The following INF2 variants were observed in gnomAD, a reference collection of about 807,000 sequenced individuals.
INF2 encodes inverted formin 2, also known as inverted formin-2.
A neutral mutation model predicts 123.5 loss-of-function variants in INF2; 43 were observed. That is an observed-to-expected ratio of 0.35 (90% CI 0.27 to 0.45). The LOEUF (loss-of-function observed/expected upper bound fraction) is 0.45. Ranked by LOEUF, INF2 falls within the 20% of genes least tolerant of loss-of-function variation. The pLI, the probability that INF2 is intolerant of heterozygous loss-of-function variation, is 1.00. For synonymous variants in INF2, 851 were observed against 745.0 expected (o/e 1.14, Z -2.32); for missense variants, 1,453 against 1,682.7 (o/e 0.86, Z 2.39).
rs756035376 is a variant in INF2 at position 104,720,154 on chromosome 14, C to T, written c.*1361C>T. On this transcript the variant is annotated 3_prime_UTR_variant, in exon 23 of 23. Transcript: ENST00000392634. ...GTCATGCATGTCTCCTGGCTTCCTT[C>T]GGCTGTTTTCACGCGCCATCCTCAC... 2.5e-4 allele frequency: 38 copies of T among 154,996 alleles called. No homozygotes were observed. The highest frequency in any genetic ancestry group is 4.4e-4 in the Non-Finnish European group (31 of 69,840). The allele number at this position is 154,996 out of a possible 1,614,324, so 9.6% of individuals were successfully genotyped here.
Position 104,707,377 on chromosome 14 carries a change from C to T in INF2, c.1110C>T (p.Gly370=). ...CCAACCTAGACCAGAGCCAGAGGGG[C>T]AGCTCCCCGCAAAACACTACAACCC... The part of the protein sequence containing the change: ...VQANLDQSQR[G]SSPQNTTTPK... Residue 370 remains glycine (G), a synonymous_variant, in exon 8 of 23, where the codon GGC becomes GGT. Transcript: ENST00000392634. 1 of 1,592,894 alleles carries T rather than the reference C, an allele frequency of 6.3e-7. No homozygotes were observed. Among genetic ancestry groups the T allele is most frequent in the African/African-American group, 1.3e-5 (1 of 74,410 alleles).
intron 5 of INF2, among the ~76,000 whole-genome samples, chr14:104,705,480 T>G (rs1252800204): frequency 1.3e-5 from 2 of 151,256 alleles, no homozygotes; most frequent in Non-Finnish European, 2.9e-5. Flanking sequence ...GCCCCACCAG[T>G]GTGGGCTGAA....
chr14:104,711,868 C>T (rs535005205), intron 16 of INF2, among the ~76,000 whole-genome samples, 169 bp downstream of exon 16: 1 of 152,338 alleles, frequency 6.6e-6, no homozygotes, highest in South Asian at 2.1e-4. Flanking sequence ...AGGACCGGGT[C>T]TGCCGTGGCC....
At position 104,707,251 on chromosome 14, in the gene INF2, A is replaced by T; in HGVS notation, c.986-2A>T. 1 of 1,606,530 alleles carries T rather than the reference A, an allele frequency of 6.2e-7. No individual in the cohort carries two copies. Among genetic ancestry groups the T allele is most frequent in the Non-Finnish European group, 8.5e-7 (1 of 1,176,776 alleles). ...CTTGACCCTGGACATCCCCTACTGC[A>T]GCCCAGGAATGCACCCTGGAGGAAG... On this transcript the variant is annotated splice_acceptor_variant, in intron 7 of 22. Coordinates refer to ENST00000392634, the MANE Select transcript of INF2 (RefSeq NM_022489.4). LOFTEE classifies it high-confidence loss of function.
intron 1 of INF2, among the ~76,000 whole-genome samples, chr14:104,700,565 C>T (rs1889428931): frequency 6.6e-6 from 1 of 152,090 alleles, no homozygotes; most frequent in South Asian, 2.1e-4. Flanking sequence ...GATGTGGTGG[C>T]GTGGAGCTGA....
Position 104,709,433 on chromosome 14 carries a change from G to A in INF2, c.2052+50G>A, listed in dbSNP as rs201873894. ...ACCCCCAGTTAGTGCCACCAACCAA[G>A]GGAGAGGCTGTCCCGGGGGCTCCCA... On this transcript the variant is annotated intron_variant, in intron 11 of 22. Transcript: ENST00000392634. 755 of 1,464,806 alleles carry A rather than the reference G, an allele frequency of 5.2e-4. 4 individuals are homozygous for A. In the Middle Eastern group the frequency reaches 0.013, roughly 24 times the overall value. 90.7% of individuals were successfully genotyped at this position (1,464,806 alleles called of 1,614,324 possible). A position where few individuals can be genotyped will look rare whatever the true frequency, so the allele number is the denominator to read the frequency against.
At chr14:104,693,231 C>T (rs1800293972) in intron 1 of INF2, among the ~76,000 whole-genome samples, 1 of 152,200 alleles carries the variant, frequency 6.6e-6, no homozygotes, top group Admixed American at 6.5e-5. Flanking sequence ...GACCTGGACA[C>T]AGTCTGAGCA....
chr14:104,696,632 G>A (rs561127852), intron 1 of INF2, among the ~76,000 whole-genome samples: 9 of 152,300 alleles, frequency 5.9e-5, no homozygotes, highest in South Asian at 2.1e-4. Flanking sequence ...TGCCTCCACC[G>A]CCCTGCAGGG....
Position 104,696,068 on chromosome 14 carries a change from T to A in INF2, c.-9-5289T>A, listed in dbSNP as rs183025854. Among the ~76,000 whole-genome samples the A allele has an allele frequency of 2.0e-3, 299 of 152,230 alleles. 2 individuals are homozygous for A. The highest frequency in any genetic ancestry group is 6.8e-3 in the African/African-American group (281 of 41,514). ...TGTCCCGGTGGTATCGCACCCACCA[T>A]GTGATTGAAATCCGTCACCATGCGG... On this transcript the variant is annotated intron_variant, in intron 1 of 22. Transcript: ENST00000392634.
rs1002617749 is a variant in INF2, at chr14:104,708,174, G to A, written c.1735+172G>A. 6.4e-6 allele frequency: 7 copies of A among 1,090,490 alleles called. No homozygotes were observed. The South Asian group carries it at 7.5e-5, about 12-fold the overall frequency. The allele number at this position is 1,090,490 out of a possible 1,614,324, so 67.6% of individuals were successfully genotyped here. ...GCCTGTGGTTGAGGTGGGGACGGGG[G>A]AGGAGCAGGGCAGGGGCTACCTCTG... is the stretch of plus-strand genomic sequence containing the variant. On this transcript the variant is annotated intron_variant, in intron 8 of 22. Coordinates refer to ENST00000392634, the MANE Select transcript of INF2 (RefSeq NM_022489.4).
intron 6 of INF2, among the ~76,000 whole-genome samples, chr14:104,706,415 G>T (rs75458917): frequency 6.6e-6 from 1 of 152,148 alleles, no homozygotes; most frequent in African/African-American, 2.4e-5. Context: ...GCAAAGCCAG[G>T]GCCACAGGAC....
chr14:104,691,860 A>G (rs1888970505), intron 1 of INF2, among the ~76,000 whole-genome samples: 1 of 152,116 alleles, frequency 6.6e-6, no homozygotes, highest in Non-Finnish European at 1.5e-5. Flanking sequence ...GAGCACCCAG[A>G]CAGCCTGGGT....
At position 104,713,483 on chromosome 14, in the gene INF2, A is replaced by G; in HGVS notation, c.2917A>G (p.Ile973Val). ...GPGKQEEVCV[I>V]DALLADIRKG... is the part of the protein sequence containing the mutation. ...CGGGAAGCAGGAGGAGGTGTGTGTC[A>G]TCGATGCCCTGCTGGCTGACATCAG... Residue 973 changes from isoleucine (I) to valine (V), a missense_variant, in exon 20 of 23, where the codon ATC becomes GTC. By Grantham distance (29) the Ile-to-Val change is conservative. This residue lies in a region of INF2 where 212 missense variants were observed against 266.2 expected (regional missense o/e 0.80). Transcript: ENST00000392634. The G allele has an allele frequency of 6.2e-7, 1 of 1,611,634 alleles. No individual in the cohort carries two copies. Among genetic ancestry groups the G allele is most frequent in the Non-Finnish European group, 8.5e-7 (1 of 1,179,444 alleles).
chr14:104,713,366 C>T, intron 19 of INF2, 57 bp downstream of exon 19: 1 of 1,560,582 alleles, frequency 6.4e-7, no homozygotes, highest in Non-Finnish European at 8.7e-7. Flanking sequence ...TGTCTGTGCT[C>T]CAGCCTCCCC....
chr14:104,714,789 G>A lies in INF2; in HGVS notation c.3627G>A (p.Arg1209=), dbSNP rs1169589654. 6 of 1,596,936 alleles carry A rather than the reference G, an allele frequency of 3.8e-6. No homozygotes were observed. Among genetic ancestry groups the A allele is most frequent in the Non-Finnish European group, 5.1e-6 (6 of 1,173,830 alleles). ...CCTCGGGGTCGGGCACACTCCCCAG[G>A]GCCCGGGGCCGGGCCTCAAAGGGGA... ...TDSSGSGTLP[R]ARGRASKGTG... Residue 1209 remains arginine (R), a synonymous_variant, in exon 21 of 23, where the codon AGG becomes AGA. Coordinates refer to ENST00000392634, the MANE Select transcript of INF2 (RefSeq NM_022489.4).
At chr14:104,688,250 T>A (rs1251379414), upstream of INF2, among the ~76,000 whole-genome samples, 1 of 152,200 alleles carries the variant, frequency 6.6e-6, no homozygotes, top group Admixed American at 6.5e-5. Flanking sequence ...GCTCCTGCAC[T>A]GGGGCTGAGC....
At chr14:104,703,557 C>T (rs1889633303) in intron 4 of INF2, 103 bp downstream of exon 4, 1 of 1,485,334 alleles carries the variant, frequency 6.7e-7, no homozygotes, top group Non-Finnish European at 9.3e-7. Flanking sequence ...CAAAAGCTGC[C>T]CCCGACCCAG....
intron 22 of INF2, chr14:104,716,148 C>T (rs1284544833): frequency 1.7e-5 from 6 of 355,338 alleles, no homozygotes; most frequent in Admixed American, 3.8e-5. Context: ...GAGCCCAGGT[C>T]GTGGCGTCTT....
At chr14:104,705,329 AT>A (rs1399974505) in intron 5 of INF2, among the ~76,000 whole-genome samples, 19 of 152,144 alleles carry the variant, frequency 1.2e-4, no homozygotes, top group Non-Finnish European at 2.6e-4. Context: ...AGGCAGGACA[AT>A]CATTGGATCC....
Sources: allele counts gnomAD v4.1 joint callset (sites outside exome capture counted in the v4.1 genomes callset), GRCh38; gene constraint gnomAD v4.1.1; regional missense constraint gnomAD v4.1.1; transcripts MANE v1.5; gene names NCBI Gene and HGNC (gene_info 2026-07-23, HGNC 2026-07-21).